Variants in SPX observed in about 807,000 individuals in gnomAD.
SPX encodes the protein spexin.
In SPX, 22 loss-of-function variants were observed where a neutral mutation model predicts 19.2. That is an observed-to-expected ratio of 1.15 (90% CI 0.82 to 1.64). The LOEUF is 1.64. SPX is among the 40% of genes most tolerant of loss of function. The pLI is 0.00. For synonymous variants in SPX, 50 were observed against 53.3 expected, an observed-to-expected ratio of 0.94 and a Z score of 0.27; for missense variants, 143 against 137.7, an observed-to-expected ratio of 1.04 and a Z score of -0.19.
chr12:21,530,599 A>C (rs997488918), intron 5 of SPX, among the ~76,000 whole-genome samples: 1 of 152,056 alleles, frequency 6.6e-6, no homozygotes, highest in African/African-American at 2.4e-5. Flanking sequence ...AAGTATCCCC[A>C]CCTCAGAAGT....
chr12:21,526,750 C>A, intron 1 of SPX, 136 bp from the exon 2 acceptor site: 1 of 874,752 alleles, frequency 1.1e-6, no homozygotes. Context: ...AGAAGGGAAA[C>A]ACCTCCAGAA....
intron 1 of SPX, 31 bp downstream of exon 1, chr12:21,526,509 C>T: frequency 6.3e-7 from 1 of 1,581,444 alleles, no homozygotes; most frequent in African/African-American, 1.3e-5. Flanking sequence ...CTTGAGACTT[C>T]TTAGCTATTT....
intron 5 of SPX, 84 bp downstream of exon 5, chr12:21,529,168 C>G (rs1943841787): frequency 7.5e-7 from 1 of 1,325,154 alleles, no homozygotes; most frequent in Non-Finnish European, 1.1e-6. Flanking sequence ...CAACACCCCT[C>G]CCCCAGAATT....
intron 1 of SPX, 39 bp downstream of exon 1, chr12:21,526,517 T>G (rs377471572): frequency 1.1e-4 from 175 of 1,576,214 alleles, no homozygotes; most frequent in Non-Finnish European, 1.5e-4. Context: ...TTCTTAGCTA[T>G]TTTTTAAAAC....
intron 5 of SPX, among the ~76,000 whole-genome samples, chr12:21,530,200 T>C (rs1943850962): frequency 6.6e-6 from 1 of 152,236 alleles, no homozygotes; most frequent in African/African-American, 2.4e-5. Context: ...GATAAATTAA[T>C]CACTAGTCTT....
Position 21,529,095 on chromosome 12 carries a change from A to G in SPX, c.292+11A>G, listed in dbSNP as rs768533436. 8 of 1,610,054 alleles carry G rather than the reference A, an allele frequency of 5.0e-6. No homozygotes were observed. The African/African-American group carries it at 5.3e-5, about 11-fold the overall frequency. On this transcript the variant is annotated intron_variant, in intron 5 of 5. Transcript: ENST00000256969. ...AGAAATCACCAGAAGGTACTAGCATAGTGGCCTCTTTCACCTGCATAACAG... is the reference window on the plus strand; with the variant it reads ...AGAAATCACCAGAAGGTACTAGCATGGTGGCCTCTTTCACCTGCATAACAG...
At chr12:21,527,901 C>A in intron 4 of SPX, 112 bp downstream of exon 4, 3 of 1,306,408 alleles carry the variant, frequency 2.3e-6, no homozygotes, top group Non-Finnish European at 3.2e-6. Context: ...ACCGGAAAGA[C>A]GCGGCTCTGA....
chr12:21,529,783 AGTGAAAAGGT>A (rs1370495836), intron 5 of SPX, among the ~76,000 whole-genome samples: 1 of 152,248 alleles, frequency 6.6e-6, no homozygotes, highest in Non-Finnish European at 1.5e-5. Flanking sequence ...GAACTCTTGC[AGTGAAAAGGT>A]GTGAAATAGT....
chr12:21,528,022 G>A, intron 4 of SPX: 2 of 535,582 alleles, frequency 3.7e-6, no homozygotes, highest in Middle Eastern at 5.1e-4. Context: ...GCCAATGGTG[G>A]CAAGGGCGGC....
intron 5 of SPX, among the ~76,000 whole-genome samples, chr12:21,530,185 CAT>C (rs1292476609): frequency 6.6e-6 from 1 of 152,084 alleles, no homozygotes; most frequent in Non-Finnish European, 1.5e-5. Flanking sequence ...TTTTGATTCC[CAT>C]ATGATAAATT....
chr12:21,529,388 C>T (rs1943843271), intron 5 of SPX, among the ~76,000 whole-genome samples: 1 of 151,822 alleles, frequency 6.6e-6, no homozygotes, highest in African/African-American at 2.4e-5. Context: ...CAATAAAACA[C>T]CCAAAAATCA....
chr12:21,527,425 C>T (rs1160866364), intron 3 of SPX: 1 of 604,822 alleles, frequency 1.7e-6, no homozygotes, highest in Non-Finnish European at 2.9e-6. Context: ...AGGGTTGCTT[C>T]TCTTGGTCCA....
chr12:21,526,350 A>G lies in SPX; in HGVS notation c.-123A>G, dbSNP rs1313674194. Reference sequence around the variant, plus strand: ...ACAAGATGTCCCTGTGGACTCCCAAACTCTACTCCAGATGGGGAGGTGCCC... The same window carrying G: ...ACAAGATGTCCCTGTGGACTCCCAAGCTCTACTCCAGATGGGGAGGTGCCC... On this transcript the variant is annotated 5_prime_UTR_variant, in exon 1 of 6. Coordinates refer to ENST00000256969, the MANE Select transcript of SPX (RefSeq NM_030572.4). The G allele has an allele frequency of 1.4e-5, 12 of 839,100 alleles. No homozygotes were observed. Among genetic ancestry groups the G allele is most frequent in the Non-Finnish European group, 2.2e-5 (12 of 541,556 alleles). The allele number at this position is 839,100 out of a possible 1,614,324, so 52.0% of individuals were successfully genotyped here.
chr12:21,527,014 T>C lies in SPX; in HGVS notation c.87+48T>C, dbSNP rs1200891956. 2.5e-6 allele frequency: 4 copies of C among 1,584,660 alleles called. No homozygotes were observed. In the Admixed American group the frequency reaches 6.7e-5, roughly 26 times the overall value. ...ATTTTAAAACAATGCGCACTGTGTG[T>C]CCACTCTGCTCTTTCTTTCTTCCTT... On this transcript the variant is annotated intron_variant, in intron 2 of 5. Transcript: ENST00000256969.
intron 3 of SPX, 108 bp downstream of exon 3, chr12:21,527,300 T>A: frequency 8.7e-7 from 1 of 1,153,292 alleles, no homozygotes; most frequent in Non-Finnish European, 1.3e-6. Flanking sequence ...TTTATTCCCT[T>A]AAATCATCGA....
chr12:21,530,876 G>C (rs1468716194), intron 5 of SPX, among the ~76,000 whole-genome samples: 3 of 152,076 alleles, frequency 2.0e-5, no homozygotes, highest in Admixed American at 2.0e-4. Context: ...ATTTTTACCA[G>C]ACATACCATA....
rs1459010652 is a variant in SPX, at chr12:21,527,804, G to T, written c.208+15G>T. On this transcript the variant is annotated intron_variant, in intron 4 of 5. Coordinates refer to ENST00000256969, the MANE Select transcript of SPX (RefSeq NM_030572.4). ...GCCACTGCCGGGTGAGTGACCAAGG[G>T]TGCAAGGGCGCTAGTCCTGCGCTTT... is the stretch of plus-strand genomic sequence containing the variant. 3.8e-6 allele frequency: 6 copies of T among 1,567,952 alleles called. No homozygotes were observed. In the Admixed American group the frequency reaches 1.2e-4, roughly 30 times the overall value.
intron 4 of SPX, among the ~76,000 whole-genome samples, chr12:21,528,559 T>G: frequency 6.6e-6 from 1 of 152,230 alleles, no homozygotes; most frequent in Non-Finnish European, 1.5e-5. Flanking sequence ...TAATTGAGCT[T>G]ATTTATTTTA....
Position 21,532,498 on chromosome 12 carries a change from G to T in SPX, c.*1303G>T, listed in dbSNP as rs927573889. 10 of 152,062 alleles carry T rather than the reference G, an allele frequency of 6.6e-5. No individual in the cohort carries two copies. The highest frequency in any genetic ancestry group is 4.6e-4 in the Admixed American group (7 of 15,266). 9.4% of individuals were successfully genotyped at this position (152,062 alleles called of 1,614,324 possible). On this transcript the variant is annotated 3_prime_UTR_variant, in exon 6 of 6. Coordinates refer to ENST00000256969, the MANE Select transcript of SPX (RefSeq NM_030572.4). ...TGATCTCCGTCGAAAAATAACTTGT[G>T]AGCATTAAAATATCTGTATGGCATT...
Sources: allele counts gnomAD v4.1 joint callset (sites outside exome capture counted in the v4.1 genomes callset), GRCh38; gene constraint gnomAD v4.1.1; transcripts MANE v1.5; gene names NCBI Gene and HGNC (gene_info 2026-07-23, HGNC 2026-07-21).